Variants in FYB2 observed in about 807,000 individuals in gnomAD.
FYB2 encodes FYN-binding protein 2.
In FYB2, 103 loss-of-function variants were observed where a neutral mutation model predicts 94.1. The observed-to-expected ratio is 1.09, with a 90% CI of 0.93 to 1.29. The LOEUF is 1.29. FYB2 is among the 50% of genes most tolerant of loss of function. The probability of loss-of-function intolerance (pLI) is 0.00; values close to 1 mark genes in which losing one functional copy is unlikely to be tolerated. For missense variants in FYB2, 896 were observed against 841.5 expected (o/e 1.06, Z -0.80); for synonymous variants, 293 against 287.9 (o/e 1.02, Z -0.18).
At chr1:56,767,706 T>A in intron 5 of FYB2, 123 bp downstream of exon 5, 1 of 713,020 alleles carries the variant, frequency 1.4e-6, no homozygotes, top group African/African-American at 1.9e-5. Flanking sequence ...GAAAAAGAAA[T>A]AAGATGGTTG....
chr1:56,726,945 G>T (rs1644596236), intron 15 of FYB2, among the ~76,000 whole-genome samples: 1 of 107,040 alleles, frequency 9.3e-6, no homozygotes, highest in Non-Finnish European at 2.1e-5. Flanking sequence ...CCTCAGTTTT[G>T]TTTTGTTTTT....
chr1:56,801,126 T>C (rs772283153), intron 1 of FYB2, among the ~76,000 whole-genome samples: 9 of 152,134 alleles, frequency 5.9e-5, no homozygotes, highest in Non-Finnish European at 1.2e-4. Context: ...CCTCATGTCC[T>C]CAAGCTCTTC....
intron 6 of FYB2, among the ~76,000 whole-genome samples, chr1:56,756,959 T>TCAAGAGCATCTCAAAAGAAGAG (rs1180439028): frequency 6.6e-6 from 1 of 152,048 alleles, no homozygotes; most frequent in Non-Finnish European, 1.5e-5. Context: ...CTGCAAAGGC[T>TCAAGAGCATCTCAAAAGAAGAG]CAAGAGCATC....
At chr1:56,757,300 T>A (rs1438910933) in intron 6 of FYB2, among the ~76,000 whole-genome samples, 2 of 152,088 alleles carry the variant, frequency 1.3e-5, no homozygotes, top group Admixed American at 6.6e-5. Flanking sequence ...TCATTCATAT[T>A]TTTCTAGTGA....
At position 56,815,897 on chromosome 1, in the gene FYB2, GAA is replaced by G. The variant is rs1214250402; in HGVS notation, c.9+3383_9+3384del. Among the ~76,000 whole-genome samples, 7 of 152,276 alleles carry G rather than the reference GAA, an allele frequency of 4.6e-5. No individual in the cohort carries two copies. In the East Asian group the frequency reaches 1.4e-3, roughly 29 times the overall value. ...CCTTGCAATGACTGTATAACTAAGT[GAA>G]AACCTACCTGGCTGAGGGCATGCAC... On this transcript the variant is annotated intron_variant, in intron 1 of 19. Transcript: ENST00000343433.
intron 9 of FYB2, among the ~76,000 whole-genome samples, chr1:56,750,823 CA>C (rs2100685277): frequency 6.6e-6 from 1 of 152,036 alleles, no homozygotes; most frequent in Non-Finnish European, 1.5e-5. Context: ...AGTCACTTAC[CA>C]CACAGCTTAC....
chr1:56,788,563 G>T lies in FYB2; in HGVS notation c.919+410C>A, dbSNP rs1646183281. On this transcript the variant is annotated intron_variant, in intron 3 of 19. Coordinates refer to ENST00000343433, the MANE Select transcript of FYB2 (RefSeq NM_001004303.5). ...CCAAAAGCAGATTATGGAGGCCTGA[G>T]GGGCTCCCCCTAAGGATTTCAGGTC... 2.0e-5 allele frequency among the ~76,000 whole-genome samples: 3 copies of T among 152,120 alleles called. No homozygotes were observed. In the South Asian group the frequency reaches 6.2e-4, roughly 32 times the overall value.
intron 1 of FYB2, among the ~76,000 whole-genome samples, chr1:56,810,381 C>A (rs1428072165): frequency 6.9e-6 from 1 of 145,678 alleles, no homozygotes; most frequent in African/African-American, 2.5e-5. Context: ...CTATGAAGTA[C>A]CCTCTTCCCC....
At chr1:56,813,024 G>T (rs1337569559) in intron 1 of FYB2, among the ~76,000 whole-genome samples, 1 of 152,146 alleles carries the variant, frequency 6.6e-6, no homozygotes, top group Non-Finnish European at 1.5e-5. Context: ...GTTGGGGAAG[G>T]ATCTGTACCA....
At chr1:56,809,222 A>G (rs1212150760) in intron 1 of FYB2, among the ~76,000 whole-genome samples, 1 of 152,222 alleles carries the variant, frequency 6.6e-6, no homozygotes, top group Non-Finnish European at 1.5e-5. Context: ...GTCTACAGAG[A>G]TCATTCGTTC....
intron 14 of FYB2, 49 bp downstream of exon 14, chr1:56,738,576 T>C: frequency 1.3e-6 from 2 of 1,540,416 alleles, no homozygotes; most frequent in Non-Finnish European, 1.8e-6. Flanking sequence ...TGCCTCTGAA[T>C]ATACAAAAGC....
chr1:56,807,429 A>C (rs905681455), intron 1 of FYB2, among the ~76,000 whole-genome samples: 10 of 152,200 alleles, frequency 6.6e-5, no homozygotes, highest in Non-Finnish European at 8.8e-5. Flanking sequence ...TACAGGTGTT[A>C]GATGTTTTTG....
At chr1:56,823,379 G>A (rs1488586892), upstream of FYB2, among the ~76,000 whole-genome samples, 1 of 152,040 alleles carries the variant, frequency 6.6e-6, no homozygotes, top group Non-Finnish European at 1.5e-5. Flanking sequence ...AGCTAGGAAG[G>A]GATGGATAAT....
At chr1:56,756,785 C>A (rs1489689867) in intron 6 of FYB2, among the ~76,000 whole-genome samples, 3 of 152,062 alleles carry the variant, frequency 2.0e-5, no homozygotes, top group African/African-American at 7.2e-5. Flanking sequence ...AAGGGTTAAG[C>A]ACTACTGTCT....
intron 1 of FYB2, 133 bp from the exon 2 acceptor site, chr1:56,792,936 G>A: frequency 1.1e-6 from 1 of 905,470 alleles, no homozygotes; most frequent in Non-Finnish European, 1.7e-6. Context: ...CATGTTAAGG[G>A]ACTCTAACTG....
At chr1:56,787,130 C>G in intron 4 of FYB2, 45 bp downstream of exon 4, 1 of 1,608,144 alleles carries the variant, frequency 6.2e-7, no homozygotes, top group Non-Finnish European at 8.5e-7. Flanking sequence ...TAAGTAGCCT[C>G]TGTGGTGGGC....
intron 3 of FYB2, 32 bp from the exon 4 acceptor site, chr1:56,787,240 G>C (rs909109301): frequency 6.2e-7 from 1 of 1,612,936 alleles, no homozygotes; most frequent in South Asian, 1.1e-5. Flanking sequence ...TGAAAAAGAG[G>C]CATTTGCAGC....
At chr1:56,816,420 G>A (rs1225548858) in intron 1 of FYB2, among the ~76,000 whole-genome samples, 1 of 152,178 alleles carries the variant, frequency 6.6e-6, no homozygotes, top group African/African-American at 2.4e-5. Flanking sequence ...GCAAGAGTAA[G>A]TGTTCTCATA....
At position 56,751,172 on chromosome 1, in the gene FYB2, A is replaced by G. The variant is rs563096570; in HGVS notation, c.1259T>C (p.Ile420Thr). 9.3e-6 allele frequency: 15 copies of G among 1,612,458 alleles called. No homozygotes were observed. The East Asian group carries it at 1.3e-4, about 14-fold the overall frequency. Residue 420 changes from isoleucine to threonine, a missense_variant, in exon 9 of 20, where the codon ATT (isoleucine) becomes ACT (threonine). Transcript: ENST00000343433. ...ACCTGTGTGGACGTTGGTCATCTGA[A>G]TTTTTTCAGGTGTCCCTTCACAGGC... Reference protein sequence around the residue: ...VDACEGTPEKIQMTNVHTGRR... With the variant: ...VDACEGTPEKTQMTNVHTGRR...
Sources: gnomAD v4.1 joint callset for allele counts (sites outside exome capture counted in the v4.1 genomes callset) on GRCh38, gnomAD v4.1.1 for gene constraint, MANE v1.5 for transcripts, NCBI Gene and HGNC (gene_info 2026-07-23, HGNC 2026-07-21) for gene names.